Variants in ZNF438 observed in about 807,000 individuals in gnomAD.
The protein encoded by ZNF438 is zinc finger protein 438.
Under a neutral mutation model 38.0 loss-of-function variants are expected in ZNF438, and 25 were observed. The ratio of observed to expected loss-of-function variants is 0.66; its 90% CI spans 0.48 to 0.92. The LOEUF (loss-of-function observed/expected upper bound fraction) is 0.92, where lower values mean the gene tolerates loss of function less well. Ranked by LOEUF, ZNF438 falls within the 40% of genes least tolerant of loss-of-function variation. The pLI, the probability that ZNF438 is intolerant of heterozygous loss-of-function variation, is 0.00. For missense variants in ZNF438, 1,007 were observed against 999.6 expected (o/e 1.01, Z -0.10); for synonymous variants, 372 against 364.1 (o/e 1.02, Z -0.25).
chr10:31,008,739 A>G (rs1031031280), intron 1 of ZNF438, among the ~76,000 whole-genome samples: 2 of 152,178 alleles, frequency 1.3e-5, no homozygotes, highest in Non-Finnish European at 2.9e-5. Context: ...ACTAGCATTT[A>G]TGTATAAGTT....
chr10:30,877,719 G>A (rs183695758), intron 3 of ZNF438, among the ~76,000 whole-genome samples: 1 of 152,094 alleles, frequency 6.6e-6, no homozygotes, highest in South Asian at 2.1e-4. Flanking sequence ...TTTCCAAATT[G>A]TGTATAATGT....
chr10:30,904,427 G>A lies in ZNF438; in HGVS notation c.-32+4506C>T, dbSNP rs529810405. ...CCTTCAGATATGTCCCCTTTTCCTC[G>A]TCTCCACTGCCAACTGTCTGGTGCA... On this transcript the variant is annotated intron_variant, in intron 3 of 5. Coordinates refer to ENST00000413025, the Ensembl canonical transcript of ZNF438. Among the ~76,000 whole-genome samples, 14 of 151,932 alleles carry A rather than the reference G, an allele frequency of 9.2e-5. 1 individual carries two copies. The highest frequency in any genetic ancestry group is 2.2e-4 in the African/African-American group (9 of 41,406).
intron 1 of ZNF438, among the ~76,000 whole-genome samples, chr10:31,002,769 T>G (rs1236371941): frequency 6.6e-6 from 1 of 152,218 alleles, no homozygotes; most frequent in Non-Finnish European, 1.5e-5. Context: ...CTAGAGCATG[T>G]GTCCTTTGCA....
chr10:31,009,029 G>A (rs745370683), intron 1 of ZNF438, among the ~76,000 whole-genome samples: 3 of 152,120 alleles, frequency 2.0e-5, no homozygotes, highest in Non-Finnish European at 4.4e-5. Context: ...GCATCTTTTC[G>A]TGTGCTTATC....
chr10:30,984,381 G>T (rs924469110), intron 1 of ZNF438: 9 of 151,990 alleles, frequency 5.9e-5, no homozygotes, highest in African/African-American at 2.2e-4. Flanking sequence ...ATATCCCAAG[G>T]CTCCTGTAGA....
chr10:30,938,007 A>G (rs989502604), intron 2 of ZNF438, among the ~76,000 whole-genome samples: 1 of 148,698 alleles, frequency 6.7e-6, no homozygotes, highest in Non-Finnish European at 1.5e-5. Context: ...GGGAGCTTTA[A>G]AAAACAAACA....
intron 2 of ZNF438, among the ~76,000 whole-genome samples, chr10:30,914,717 G>T (rs184320590): frequency 8.6e-5 from 13 of 151,974 alleles, no homozygotes; most frequent in African/African-American, 2.9e-4. Flanking sequence ...TTAAAAGGAG[G>T]CTTCCTCCAG....
intron 4 of ZNF438, among the ~76,000 whole-genome samples, chr10:30,869,029 A>C (rs1216399827): frequency 6.6e-6 from 1 of 152,258 alleles, no homozygotes; most frequent in Non-Finnish European, 1.5e-5. Flanking sequence ...ACAATGATAC[A>C]TACCCAAGTA....
intron 1 of ZNF438, among the ~76,000 whole-genome samples, chr10:31,025,466 G>A (rs922737533): frequency 6.6e-6 from 1 of 152,200 alleles, no homozygotes; most frequent in African/African-American, 2.4e-5. Context: ...ATTCTTCACA[G>A]TATCATCTTC....
chr10:30,907,370 G>C (rs2042682905), intron 3 of ZNF438, among the ~76,000 whole-genome samples: 1 of 152,160 alleles, frequency 6.6e-6, no homozygotes, highest in Admixed American at 6.5e-5. Flanking sequence ...TAATACACTG[G>C]CCTCACAGAA....
intron 2 of ZNF438, chr10:30,920,327 C>G (rs932501570): frequency 3.3e-5 from 5 of 152,176 alleles, no homozygotes; most frequent in African/African-American, 1.2e-4. Context: ...ACAGCATATT[C>G]AGGTAGAGGT....
At chr10:30,961,937 C>T (rs938247069) in intron 1 of ZNF438, among the ~76,000 whole-genome samples, 2 of 138,360 alleles carry the variant, frequency 1.4e-5, no homozygotes, top group African/African-American at 5.0e-5. Context: ...ACTTTCTAAA[C>T]AAAATGCGTT....
At chr10:31,010,259 TGATTCAGA>T (rs1439574929) in intron 1 of ZNF438, among the ~76,000 whole-genome samples, 1 of 152,234 alleles carries the variant, frequency 6.6e-6, no homozygotes, top group Non-Finnish European at 1.5e-5. Flanking sequence ...AAAAGCCTGA[TGATTCAGA>T]GACCAACCCA....
chr10:30,941,315 AC>A (rs2046800270), intron 2 of ZNF438, among the ~76,000 whole-genome samples: 1 of 152,026 alleles, frequency 6.6e-6, no homozygotes, highest in South Asian at 2.1e-4. Flanking sequence ...CAGGTGATCC[AC>A]CCATCTCGGC....
intron 1 of ZNF438, among the ~76,000 whole-genome samples, chr10:31,008,334 C>T (rs2055350903): frequency 1.3e-5 from 2 of 152,162 alleles, no homozygotes; most frequent in Admixed American, 6.5e-5. Context: ...TTGAAATATA[C>T]AATTCCATGG....
At chr10:30,844,802 A>G in exon 6 of ZNF438, 6 of 935,414 alleles carry the variant, frequency 6.4e-6, no homozygotes, top group Non-Finnish European at 9.5e-6. Context: ...CTTATATTTT[A>G]TTTCGTTAAG....
intron 1 of ZNF438, among the ~76,000 whole-genome samples, chr10:31,003,711 C>T (rs757566951): frequency 3.3e-5 from 5 of 152,156 alleles, no homozygotes; most frequent in Non-Finnish European, 7.3e-5. Context: ...ACCACAGTAG[C>T]CTCTTAACTG....
chr10:30,862,267 T>C (rs918009512), intron 4 of ZNF438, among the ~76,000 whole-genome samples: 3 of 152,126 alleles, frequency 2.0e-5, no homozygotes, highest in African/African-American at 7.2e-5. Context: ...CAAGAAATCT[T>C]CCACCAACAA....
intron 1 of ZNF438, among the ~76,000 whole-genome samples, chr10:31,026,730 C>G (rs2056969493): frequency 6.6e-6 from 1 of 152,074 alleles, no homozygotes; most frequent in South Asian, 2.1e-4. Flanking sequence ...GCCCAGCCAT[C>G]CCATGACTGG....
Sources: allele counts gnomAD v4.1 joint callset (sites outside exome capture counted in the v4.1 genomes callset), GRCh38; gene constraint gnomAD v4.1.1; transcripts MANE v1.5; gene names NCBI Gene and HGNC (gene_info 2026-07-23, HGNC 2026-07-21).